FN1: variants seen among roughly 807,000 people sequenced by gnomAD.
FN1 encodes the protein fibronectin 1.
Under a neutral mutation model 297.3 loss-of-function variants are expected in FN1, and 106 were observed. That is an observed-to-expected ratio of 0.36 (90% CI 0.30 to 0.42). FN1 has a LOEUF of 0.42. Ranked by LOEUF, FN1 falls within the 10% of genes least tolerant of loss-of-function variation. FN1 has a pLI of 1.00. For missense variants in FN1, 2,690 were observed against 3,124.9 expected (o/e 0.86, Z 3.32); for synonymous variants, 1,149 against 1,152.6 (o/e 1.00, Z 0.06).
chr2:215,414,585 T>C, intron 13 of FN1: 1 of 774,450 alleles, frequency 1.3e-6, no homozygotes, highest in South Asian at 3.2e-5. Context: ...TTCTGTAACA[T>C]AAAGAGCTAA....
At position 215,386,870 on chromosome 2, in the gene FN1, A is replaced by G. The variant is rs779614337; in HGVS notation, c.4431T>C (p.Thr1477=). Residue 1477 remains threonine, a synonymous_variant, in exon 28 of 46, where the codon ACT becomes ACC. Coordinates refer to ENST00000354785, the MANE Select transcript of FN1 (RefSeq NM_212482.4). Reference sequence around the variant, plus strand: ...CGGGATGATGGCGGATCCTGTAGCCAGTGATGGTGGCTCGAGGAGCAATCC... The same window carrying G: ...CGGGATGATGGCGGATCCTGTAGCCGGTGATGGTGGCTCGAGGAGCAATCC... ...VHWIAPRATI[T]GYRIRHHPEH... The G allele has an allele frequency of 6.2e-7, 1 of 1,613,982 alleles. No individual in the cohort carries two copies. Among genetic ancestry groups the G allele is most frequent in the Non-Finnish European group, 8.5e-7 (1 of 1,179,978 alleles).
rs1187788957 is a variant in FN1 at position 215,401,259 on chromosome 2, A to AAAGAAAGAAAGGAAGG, written c.3254-1909_3254-1908insCCTTCCTTTCTTTCTT. On this transcript the variant is annotated intron_variant, in intron 20 of 45. Transcript: ENST00000354785. ...GAAAGAAAGAAAGAAAGGAAGAAAG[A>AAAGAAAGAAAGGAAGG]AAGGAAGGAAAGGAAAGGAAAGGAA... 4.0e-4 allele frequency among the ~76,000 whole-genome samples: 33 copies of AAAGAAAGAAAGGAAGG among 81,806 alleles called. 1 individual carries two copies. Among genetic ancestry groups the AAAGAAAGAAAGGAAGG allele is most frequent in the African/African-American group, 9.1e-4 (19 of 20,786 alleles). The allele number at this position is 81,806 out of a possible 152,430, so 53.7% of individuals were successfully genotyped here.
rs376728271 is a variant in FN1 at position 215,383,343 on chromosome 2, T to C, written c.5035A>G (p.Lys1679Glu). ...TGATTCTTACCTGGACCTGCAGTTT[T>C]AGTTTTTGTTGGTCCTGGTCCATTT... ...PKNGPGPTKT[K>E]TAGPDQTEMT... is the part of the protein sequence containing the mutation. Residue 1679 changes from lysine to glutamate, a missense_variant, in exon 31 of 46, where the codon AAA becomes GAA. Physicochemically the swap from Lys to Glu is moderately conservative, Grantham distance 56. Around this residue, in one of 3 missense-constraint regions of FN1, gnomAD observed 1,743 missense variants for 1,945.2 expected, o/e 0.90. Transcript: ENST00000354785. 8 of 1,614,046 alleles carry C rather than the reference T, an allele frequency of 5.0e-6. No individual in the cohort carries two copies. In the African/African-American group the frequency reaches 9.3e-5, roughly 19 times the overall value.
At chr2:215,391,914 A>C in intron 25 of FN1, 100 bp from the exon 26 acceptor site, 4 of 973,970 alleles carry the variant, frequency 4.1e-6, no homozygotes, top group South Asian at 1.4e-5. Flanking sequence ...GCATAAAGGA[A>C]ACAGAATCAT....
Position 215,406,375 on chromosome 2 carries a change from T to C in FN1, c.2849A>G (p.His950Arg). The C allele has an allele frequency of 6.2e-7, 1 of 1,614,176 alleles. No homozygotes were observed. The highest frequency in any genetic ancestry group is 8.5e-7 in the Non-Finnish European group (1 of 1,180,026). Residue 950 changes from histidine (H) to arginine (R), a missense_variant, in exon 19 of 46, where the codon CAC (histidine) becomes CGC (arginine). Transcript: ENST00000354785. ...CCTGCTGATGGGCAGCCTCTGCCCG[T>C]GCTCGCCAGGCAGGTTGACGGGGAT... ...DVIPVNLPGE[H>R]GQRLPISRNT...
rs1282877237 is a variant in FN1 at position 215,406,457 on chromosome 2, C to T, written c.2767G>A (p.Val923Ile). The change falls in exon 19 of 46, where the codon GTC becomes ATC. Residue 923 changes from valine to isoleucine, a missense_variant. Physicochemically the swap from Val to Ile is conservative, Grantham distance 29 (BLOSUM62 3). Around this residue, in one of 3 missense-constraint regions of FN1, gnomAD observed 71 missense variants for 121.7 expected, o/e 0.58. Coordinates refer to ENST00000354785, the MANE Select transcript of FN1 (RefSeq NM_212482.4). ...LQFVEVTDVK[V>I]TIMWTPPESA... ...TCAGGCGGTGTCCACATGATGGTGA[C>T]CTTCACGTCTGTCACTTCCACAAAC... is the stretch of plus-strand genomic sequence containing the variant. 1.2e-6 allele frequency: 2 copies of T among 1,614,144 alleles called. No individual in the cohort carries two copies. Among genetic ancestry groups the T allele is most frequent in the Non-Finnish European group, 1.7e-6 (2 of 1,180,036 alleles).
chr2:215,367,087 A>T (rs890473899), intron 42 of FN1, among the ~76,000 whole-genome samples: 5 of 152,186 alleles, frequency 3.3e-5, no homozygotes, highest in Admixed American at 2.0e-4. Context: ...TGATTTCTGT[A>T]TGTCTATAGG....
intron 35 of FN1, 151 bp from the exon 36 acceptor site, chr2:215,376,825 G>A (rs1414370412): frequency 1.5e-6 from 1 of 680,190 alleles, no homozygotes; most frequent in Non-Finnish European, 2.5e-6. Context: ...TTGGCATTCA[G>A]AGAGAAAGGT....
At chr2:215,379,601 C>A in intron 33 of FN1, 1 of 294,610 alleles carries the variant, frequency 3.4e-6, no homozygotes, top group Non-Finnish European at 6.3e-6. Context: ...TTTGCTTTCC[C>A]TTAAAAAAAA....
chr2:215,383,263 C>T (rs887080805), intron 31 of FN1, 65 bp downstream of exon 31: 9 of 1,515,946 alleles, frequency 5.9e-6, no homozygotes, highest in Admixed American at 5.0e-5. Flanking sequence ...CCGCATCAGC[C>T]TCCCAAAGTT....
chr2:215,403,508 G>T (rs1309176785), intron 20 of FN1, among the ~76,000 whole-genome samples: 1 of 152,144 alleles, frequency 6.6e-6, no homozygotes, highest in Non-Finnish European at 1.5e-5. Flanking sequence ...TGCTGAAAAA[G>T]TACTTATGTT....
At chr2:215,399,416 AT>A (rs2060719857) in intron 20 of FN1, 65 bp from the exon 21 acceptor site, 7 of 1,076,322 alleles carry the variant, frequency 6.5e-6, no homozygotes, top group Non-Finnish European at 1.0e-5. Context: ...TAGCATATAG[AT>A]AACAAGTATT....
At chr2:215,369,738 AAAAAAAATGGAAATAACATTGG>A (rs746240989) in intron 41 of FN1, among the ~76,000 whole-genome samples, 21 of 152,202 alleles carry the variant, frequency 1.4e-4, no homozygotes, top group Non-Finnish European at 2.4e-4. Flanking sequence ...TATAGTCAGA[AAAAAAAATGGAAATAACATTGG>A]AAAAAAATGG....
Position 215,364,887 on chromosome 2 carries a change from C to T in FN1, c.7243G>A (p.Gly2415Ser). ...GAICSCTCFG[G>S]QRGWRCDNCR... ...GGCACATCCAGTCTTACCCGCTGGC[C>T]TCCAAAGCATGTGCAGGAGCAAATG... The change falls in exon 44 of 46, where the codon GGC (glycine) becomes AGC (serine). Residue 2415 changes from glycine to serine, a missense_variant. By Grantham distance (56) the Gly-to-Ser change is moderately conservative. This residue lies in a region of FN1 where 1,743 missense variants were observed against 1,945.2 expected (regional missense o/e 0.90). Transcript: ENST00000354785. 1 of 1,557,958 alleles carries T rather than the reference C, an allele frequency of 6.4e-7. No individual in the cohort carries two copies. The highest frequency in any genetic ancestry group is 8.7e-7 in the Non-Finnish European group (1 of 1,150,162).
In FN1 at chr2:215,379,114, A is replaced by C; in HGVS notation, c.5622+16T>G. ...GATCTCCATCTTTATTCCAATGAAC[A>C]ACGGTCATGTCTTACCATAAGTCCT... On this transcript the variant is annotated intron_variant, in intron 34 of 45. Coordinates refer to ENST00000354785, the MANE Select transcript of FN1 (RefSeq NM_212482.4). The C allele has an allele frequency of 6.2e-7, 1 of 1,611,970 alleles. No homozygotes were observed. The highest frequency in any genetic ancestry group is 8.5e-7 in the Non-Finnish European group (1 of 1,178,018).
intron 25 of FN1, 73 bp downstream of exon 25, chr2:215,392,858 T>C: frequency 3.9e-6 from 6 of 1,539,266 alleles, no homozygotes; most frequent in African/African-American, 1.4e-5. Flanking sequence ...GAAACATCCA[T>C]ATTTAACCGG....
chr2:215,388,731 C>T (rs7588661), intron 26 of FN1, among the ~76,000 whole-genome samples: 82,778 of 152,088 alleles, frequency 0.54, 23,668 homozygotes, highest in Non-Finnish European at 0.64. Context: ...TGTCATACAA[C>T]GTACTGCATA....
Position 215,419,401 on chromosome 2 carries a change from G to A in FN1, c.1676-16C>T. On this transcript the variant is annotated splice_polypyrimidine_tract_variant and intron_variant, in intron 11 of 45. Transcript: ENST00000354785. ...TGGCATTGGTCTAAAATACATGGAA[G>A]GAAAAGATAAACAGCCTTGAAGACT... The A allele has an allele frequency of 2.5e-6, 4 of 1,609,016 alleles. No homozygotes were observed. Among genetic ancestry groups the A allele is most frequent in the Non-Finnish European group, 3.4e-6 (4 of 1,175,418 alleles).
intron 39 of FN1, chr2:215,372,597 A>T (rs1343538278): frequency 6.8e-6 from 4 of 587,464 alleles, no homozygotes; most frequent in Non-Finnish European, 1.2e-5. Flanking sequence ...AAGTGTTAGT[A>T]TGAATTTATC....
Sources: allele counts gnomAD v4.1 joint callset (sites outside exome capture counted in the v4.1 genomes callset), GRCh38; gene constraint gnomAD v4.1.1; regional missense constraint gnomAD v4.1.1; transcripts MANE v1.5; gene names NCBI Gene and HGNC (gene_info 2026-07-23, HGNC 2026-07-21).